ARHGAP26: variants seen among roughly 807,000 people sequenced by gnomAD.
ARHGAP26 encodes the protein rho GTPase-activating protein 26.
A neutral mutation model predicts 104.8 loss-of-function variants in ARHGAP26; 38 were observed. That is an observed-to-expected ratio of 0.36 (90% CI 0.28 to 0.48). ARHGAP26 has a LOEUF of 0.48. Ranked by LOEUF, ARHGAP26 falls within the 20% of genes least tolerant of loss-of-function variation. The pLI, the probability that ARHGAP26 is intolerant of heterozygous loss-of-function variation, is 0.99. For synonymous variants in ARHGAP26, 341 were observed against 340.0 expected, an observed-to-expected ratio of 1.00 and a Z score of -0.03; for missense variants, 704 against 947.9, an observed-to-expected ratio of 0.74 and a Z score of 3.38.
chr5:143,032,069 T>A (rs1056782851), intron 12 of ARHGAP26, among the ~76,000 whole-genome samples: 1 of 152,160 alleles, frequency 6.6e-6, no homozygotes, highest in East Asian at 1.9e-4. Context: ...TAGAGAACTT[T>A]GAGAAAATCG....
intron 20 of ARHGAP26, among the ~76,000 whole-genome samples, chr5:143,196,878 A>G (rs2151291010): frequency 6.6e-6 from 1 of 152,322 alleles, no homozygotes; most frequent in East Asian, 1.9e-4. Context: ...TGACCTCAAC[A>G]GCACCCCAGA....
At chr5:143,036,151 AG>A (rs1476624709) in intron 12 of ARHGAP26, among the ~76,000 whole-genome samples, 1 of 152,152 alleles carries the variant, frequency 6.6e-6, no homozygotes, top group Non-Finnish European at 1.5e-5. Flanking sequence ...ACTTTCCCTG[AG>A]ATGACCGCAA....
chr5:142,902,729 T>C (rs1005308187), intron 7 of ARHGAP26, among the ~76,000 whole-genome samples: 7 of 152,218 alleles, frequency 4.6e-5, no homozygotes, highest in African/African-American at 1.7e-4. Flanking sequence ...GGAGGTTACA[T>C]AGTAGTCAGT....
chr5:142,844,919 A>C (rs1306234136), intron 1 of ARHGAP26, among the ~76,000 whole-genome samples: 5 of 151,868 alleles, frequency 3.3e-5, no homozygotes, highest in African/African-American at 1.2e-4. Context: ...TTTGCAGGCT[A>C]TTCCTCCCCT....
chr5:143,205,421 G>T (rs2151337985), intron 20 of ARHGAP26, among the ~76,000 whole-genome samples: 1 of 152,322 alleles, frequency 6.6e-6, no homozygotes, highest in South Asian at 2.1e-4. Flanking sequence ...AACACTGGAG[G>T]CAGGATTGGG....
At chr5:142,825,710 A>G (rs545492190) in intron 1 of ARHGAP26, among the ~76,000 whole-genome samples, 119 of 152,368 alleles carry the variant, frequency 7.8e-4, no homozygotes, top group African/African-American at 2.7e-3. Context: ...GACTCAAGGA[A>G]AAGGCAAGTA....
At chr5:143,117,208 T>A (rs1289205839) in intron 17 of ARHGAP26, among the ~76,000 whole-genome samples, 2 of 152,182 alleles carry the variant, frequency 1.3e-5, no homozygotes, top group Non-Finnish European at 2.9e-5. Context: ...ACAGCTCAAT[T>A]TGACAAAAGA....
At chr5:142,934,936 A>G (rs779986221) in intron 11 of ARHGAP26, among the ~76,000 whole-genome samples, 2 of 152,204 alleles carry the variant, frequency 1.3e-5, no homozygotes, top group Non-Finnish European at 2.9e-5. Context: ...TTTTAGCATT[A>G]AATCATACTT....
Position 143,153,683 on chromosome 5 carries a change from A to G in ARHGAP26, c.1988+6302A>G, listed in dbSNP as rs147122011. Among the ~76,000 whole-genome samples, 612 of 152,344 alleles carry G rather than the reference A, an allele frequency of 4.0e-3. 5 individuals carry two copies. Among genetic ancestry groups the G allele is most frequent in the African/African-American group, 0.014 (577 of 41,584 alleles). On this transcript the variant is annotated intron_variant, in intron 20 of 22. Transcript: ENST00000645722. The stretch of plus-strand genomic sequence containing the variant: ...GATGATTACTGCAATGATGGAACCC[A>G]ACCTTGGAGTTCTCTCTGCCTAAGT...
At chr5:143,000,328 AC>A (rs1169064423) in intron 11 of ARHGAP26, among the ~76,000 whole-genome samples, 1 of 152,224 alleles carries the variant, frequency 6.6e-6, no homozygotes, top group Non-Finnish European at 1.5e-5. Flanking sequence ...TTGTACAAAA[AC>A]CTTTGGACCA....
intron 1 of ARHGAP26, among the ~76,000 whole-genome samples, chr5:142,858,787 A>G (rs1752827186): frequency 6.6e-6 from 1 of 152,114 alleles, no homozygotes; most frequent in South Asian, 2.1e-4. Flanking sequence ...CTGGGGAGCT[A>G]TGAGAGTGTA....
chr5:142,779,267 G>T (rs1756997533), intron 1 of ARHGAP26, among the ~76,000 whole-genome samples: 1 of 152,226 alleles, frequency 6.6e-6, no homozygotes, highest in Non-Finnish European at 1.5e-5. Flanking sequence ...AAATGGTAAG[G>T]AAAACAGCTT....
At chr5:143,159,394 C>T (rs6888245) in intron 20 of ARHGAP26, among the ~76,000 whole-genome samples, 63,153 of 152,006 alleles carry the variant, frequency 0.42, 14,994 homozygotes, top group African/African-American at 0.66. Context: ...CAATAAAGGA[C>T]GGCCTAAATA....
chr5:142,861,601 A>G (rs1446065549), intron 1 of ARHGAP26, among the ~76,000 whole-genome samples: 1 of 152,030 alleles, frequency 6.6e-6, no homozygotes, highest in Non-Finnish European at 1.5e-5. Flanking sequence ...GGGTGGCTTC[A>G]TTGTCCTTTC....
At chr5:143,024,208 T>C (rs1240508441) in intron 12 of ARHGAP26, among the ~76,000 whole-genome samples, 3 of 152,178 alleles carry the variant, frequency 2.0e-5, no homozygotes, top group African/African-American at 4.8e-5. Flanking sequence ...GCTATTTTGT[T>C]TGATGAGACC....
At position 142,799,551 on chromosome 5, in the gene ARHGAP26, T is replaced by G. The variant is rs2151952591; in HGVS notation, c.154+28636T>G. On this transcript the variant is annotated intron_variant, in intron 1 of 22. Transcript: ENST00000645722. The stretch of plus-strand genomic sequence containing the variant: ...CTGTAGGAATGACATGTACCTTAGT[T>G]CGTTTTGTGCTGCTCTAACAGAATA... Among the ~76,000 whole-genome samples, 2 of 152,326 alleles carry G rather than the reference T, an allele frequency of 1.3e-5. 1 individual carries two copies. Among genetic ancestry groups the G allele is most frequent in the East Asian group, 3.9e-4 (2 of 5,190 alleles).
intron 11 of ARHGAP26, among the ~76,000 whole-genome samples, chr5:142,943,750 G>A (rs1224304208): frequency 2.0e-5 from 3 of 152,050 alleles, no homozygotes; most frequent in East Asian, 1.9e-4. Flanking sequence ...ATTGTCCTTA[G>A]CATTTTTTGC....
chr5:142,899,951 G>A (rs540125680), intron 6 of ARHGAP26, among the ~76,000 whole-genome samples: 1 of 152,198 alleles, frequency 6.6e-6, no homozygotes, highest in African/African-American at 2.4e-5. Flanking sequence ...GAGCAAGAGA[G>A]GCTCTGTTTA....
chr5:142,898,193 T>C (rs962744752), intron 6 of ARHGAP26, among the ~76,000 whole-genome samples: 4 of 151,576 alleles, frequency 2.6e-5, no homozygotes, highest in Non-Finnish European at 4.4e-5. Context: ...CACACACACA[T>C]ATATACACAC....
Sources: gnomAD v4.1 joint callset for allele counts (sites outside exome capture counted in the v4.1 genomes callset) on GRCh38, gnomAD v4.1.1 for gene constraint, MANE v1.5 for transcripts, NCBI Gene and HGNC (gene_info 2026-07-23, HGNC 2026-07-21) for gene names.